The following CUTC variants were observed in gnomAD, a reference collection of about 807,000 sequenced individuals.
The protein encoded by CUTC is copper homeostasis protein cutC homolog.
In CUTC, 27 loss-of-function variants were observed where a neutral mutation model predicts 36.2. That is an observed-to-expected ratio of 0.75 (90% CI 0.55 to 1.03). The LOEUF is 1.03. Among genes scored for constraint, CUTC ranks in the 50% least tolerant of loss-of-function variants. The probability of loss-of-function intolerance (pLI) is 0.00; values close to 1 mark genes in which losing one functional copy is unlikely to be tolerated. For missense variants in CUTC, 315 were observed against 343.5 expected, an observed-to-expected ratio of 0.92 and a Z score of 0.66; for synonymous variants, 114 against 118.3, an observed-to-expected ratio of 0.96 and a Z score of 0.24.
In CUTC at chr10:99,744,027, C is replaced by T; in HGVS notation, c.404-10C>T. 1 of 1,610,590 alleles carries T rather than the reference C, an allele frequency of 6.2e-7. No individual in the cohort carries two copies. Among genetic ancestry groups the T allele is most frequent in the South Asian group, 1.1e-5 (1 of 90,896 alleles). On this transcript the variant is annotated splice_polypyrimidine_tract_variant and intron_variant, in intron 4 of 8. Coordinates refer to ENST00000370476, the MANE Select transcript of CUTC (RefSeq NM_015960.3). Reference sequence around the variant, plus strand: ...TTCATTCATGTTGTTATATGACTTTCTTTTTATAGCTATTTGCCGCCCTCT... The same window carrying T: ...TTCATTCATGTTGTTATATGACTTTTTTTTTATAGCTATTTGCCGCCCTCT...
Position 99,755,748 on chromosome 10 carries a change from C to T in CUTC, c.*9C>T, listed in dbSNP as rs1347927170. ...AGAACATCCTGGTGTAGCCAGACCT[C>T]TCTGAGAGACATGGATATCACAGGA... On this transcript the variant is annotated 3_prime_UTR_variant, in exon 9 of 9. Transcript: ENST00000370476. 2.0e-6 allele frequency: 3 copies of T among 1,526,816 alleles called. No homozygotes were observed. The highest frequency in any genetic ancestry group is 1.7e-5 in the Admixed American group (1 of 59,452). 94.6% of individuals were successfully genotyped at this position (1,526,816 alleles called of 1,614,324 possible). A position where few individuals can be genotyped will look rare whatever the true frequency, so the allele number is the denominator to read the frequency against.
chr10:99,734,710 T>C (rs2037280575), intron 1 of CUTC, among the ~76,000 whole-genome samples: 1 of 152,160 alleles, frequency 6.6e-6, no homozygotes, highest in Non-Finnish European at 1.5e-5. Flanking sequence ...ACATTAATTT[T>C]GTTGTAATTA....
Sources: gnomAD v4.1 joint callset for allele counts (sites outside exome capture counted in the v4.1 genomes callset) on GRCh38, gnomAD v4.1.1 for gene constraint, MANE v1.5 for transcripts, NCBI Gene and HGNC (gene_info 2026-07-23, HGNC 2026-07-21) for gene names.